COL5A2: variants seen among roughly 807,000 people sequenced by gnomAD.
The protein encoded by COL5A2 is collagen alpha-2(V) chain.
COL5A2 carries 23 observed loss-of-function variants against 208.2 expected under a neutral mutation model. The ratio of observed to expected loss-of-function variants is 0.11; its 90% CI spans 0.08 to 0.16. COL5A2 has a LOEUF of 0.16. Among genes scored for constraint, COL5A2 ranks in the 10% least tolerant of loss-of-function variants. The pLI is 1.00. For missense variants in COL5A2, 1,590 were observed against 1,956.4 expected (o/e 0.81, Z 3.53); for synonymous variants, 625 against 628.5 (o/e 0.99, Z 0.08).
At chr2:189,303,628 C>T in the COL5A2 span, among the ~76,000 whole-genome samples, 1 of 152,164 alleles carries the variant, frequency 6.6e-6, no homozygotes, top group Non-Finnish European at 1.5e-5. Context: ...AATAGTCAGA[C>T]AAAATTCAAA....
chr2:189,240,764 A>AT, the COL5A2 span, among the ~76,000 whole-genome samples: 5 of 152,020 alleles, frequency 3.3e-5, no homozygotes, highest in African/African-American at 1.2e-4. Flanking sequence ...TTTACATGTT[A>AT]TTTTCATAAT....
the COL5A2 span, among the ~76,000 whole-genome samples, chr2:189,431,626 C>G: frequency 4.0e-5 from 6 of 151,814 alleles, no homozygotes; most frequent in Admixed American, 3.9e-4. Context: ...TGAAATAAAG[C>G]GAGAAGACAA....
intron 11 of COL5A2, 97 bp downstream of exon 11, chr2:189,085,063 G>A (rs1481543345): frequency 2.0e-6 from 2 of 984,314 alleles, no homozygotes; most frequent in African/African-American, 1.6e-5. Context: ...AAAAGGGTGG[G>A]GAAATGTAAT....
chr2:189,234,982 C>T, the COL5A2 span, among the ~76,000 whole-genome samples: 1 of 151,544 alleles, frequency 6.6e-6, no homozygotes, highest in Admixed American at 6.6e-5. Context: ...TAATATACAT[C>T]ATTTCAACAT....
At chr2:189,052,833 G>A (rs1437298831) in intron 39 of COL5A2, 31 bp from the exon 40 acceptor site, 1 of 1,613,484 alleles carries the variant, frequency 6.2e-7, no homozygotes. Flanking sequence ...GAGCACTATA[G>A]TGAAGCAAAA....
the COL5A2 span, among the ~76,000 whole-genome samples, chr2:189,406,366 A>G: frequency 1.3e-5 from 2 of 152,236 alleles, no homozygotes; most frequent in African/African-American, 4.8e-5. Flanking sequence ...GGATAATACC[A>G]TCACTGGGAT....
intron 1 of COL5A2, among the ~76,000 whole-genome samples, chr2:189,185,552 G>GCTA (rs918018761): frequency 6.6e-6 from 1 of 152,166 alleles, no homozygotes; most frequent in African/African-American, 2.4e-5. Flanking sequence ...GAGAAATTGA[G>GCTA]GAAGACACTC....
At chr2:189,271,533 T>G in the COL5A2 span, among the ~76,000 whole-genome samples, 3 of 152,028 alleles carry the variant, frequency 2.0e-5, no homozygotes, top group Non-Finnish European at 4.4e-5. Flanking sequence ...ACTTAAACGT[T>G]AAGACCTAAA....
At chr2:189,174,646 T>C (rs1688643159) in intron 1 of COL5A2, among the ~76,000 whole-genome samples, 1 of 152,180 alleles carries the variant, frequency 6.6e-6, no homozygotes, top group African/African-American at 2.4e-5. Flanking sequence ...CCAAACTTCC[T>C]AGATATTTGG....
chr2:189,434,405 T>C, the COL5A2 span, among the ~76,000 whole-genome samples: 1 of 152,184 alleles, frequency 6.6e-6, no homozygotes, highest in Non-Finnish European at 1.5e-5. Flanking sequence ...TGTTTGCAGA[T>C]GACATGATTG....
chr2:189,311,954 C>T, the COL5A2 span: 30 of 761,256 alleles, frequency 3.9e-5, no homozygotes, highest in East Asian at 1.5e-4. Context: ...CAGCTGCAGC[C>T]GAGTGACATT....
the COL5A2 span, among the ~76,000 whole-genome samples, chr2:189,326,511 T>C: frequency 2.6e-5 from 4 of 151,856 alleles, no homozygotes; most frequent in Non-Finnish European, 5.9e-5. Flanking sequence ...ACCAACATAG[T>C]GAGACCTTGT....
chr2:189,428,737 A>G, the COL5A2 span, among the ~76,000 whole-genome samples: 3 of 152,236 alleles, frequency 2.0e-5, no homozygotes, highest in Non-Finnish European at 4.4e-5. Context: ...GGCCTCCCAG[A>G]AGCTGAGCAT....
the COL5A2 span, among the ~76,000 whole-genome samples, chr2:189,340,074 C>T: frequency 0.028 from 4,323 of 152,210 alleles, 100 homozygotes; most frequent in South Asian, 0.049. Context: ...TGGGATAAGG[C>T]TAAGAGTCAA....
chr2:189,337,229 C>CT, the COL5A2 span, among the ~76,000 whole-genome samples: 1 of 148,276 alleles, frequency 6.7e-6, no homozygotes. Context: ...GTCGCCCAGG[C>CT]TGGAGTGCAG....
chr2:189,253,460 G>C, the COL5A2 span, among the ~76,000 whole-genome samples: 5 of 152,228 alleles, frequency 3.3e-5, no homozygotes, highest in Admixed American at 2.6e-4. Flanking sequence ...CTAAGGAAGT[G>C]CTTTATGAAT....
At chr2:189,366,786 A>C in the COL5A2 span, among the ~76,000 whole-genome samples, 1 of 152,226 alleles carries the variant, frequency 6.6e-6, no homozygotes, top group African/African-American at 2.4e-5. Context: ...TGTTAGCTAC[A>C]TGCAGGGAAT....
chr2:189,202,346 G>A (rs1023796644), intron 1 of COL5A2, among the ~76,000 whole-genome samples: 1 of 152,102 alleles, frequency 6.6e-6, no homozygotes, highest in Non-Finnish European at 1.5e-5. Context: ...GAATTATGCA[G>A]TTAAAAGCAA....
the COL5A2 span, among the ~76,000 whole-genome samples, chr2:189,356,266 T>G: frequency 1.9e-4 from 29 of 152,242 alleles, no homozygotes; most frequent in African/African-American, 7.0e-4. Context: ...TTGCTCTTCT[T>G]GAGGAGTATC....
Sources: allele counts gnomAD v4.1 joint callset (sites outside exome capture counted in the v4.1 genomes callset), GRCh38; gene constraint gnomAD v4.1.1; transcripts MANE v1.5; gene names NCBI Gene and HGNC (gene_info 2026-07-23, HGNC 2026-07-21).